PCDH15: variants seen among roughly 807,000 people sequenced by gnomAD.
PCDH15 encodes the protein protocadherin-15.
PCDH15 carries 129 observed loss-of-function variants against 178.5 expected under a neutral mutation model. The observed-to-expected ratio is 0.72, with a 90% CI of 0.63 to 0.84. The LOEUF is 0.84. Among genes scored for constraint, PCDH15 ranks in the 40% least tolerant of loss-of-function variants. The pLI, the probability that PCDH15 is intolerant of heterozygous loss-of-function variation, is 0.00. For missense variants in PCDH15, 2,230 were observed against 2,099.9 expected (o/e 1.06, Z -1.21); for synonymous variants, 800 against 732.0 (o/e 1.09, Z -1.50).
chr10:55,186,339 T>C (rs939050553), intron 1 of PCDH15, among the ~76,000 whole-genome samples: 2 of 151,462 alleles, frequency 1.3e-5, no homozygotes, highest in Admixed American at 1.3e-4. Flanking sequence ...TTTTTCTTTG[T>C]ATTTTTTAAA....
At chr10:54,391,364 A>G (rs554321139) in intron 3 of PCDH15, among the ~76,000 whole-genome samples, 2 of 122,922 alleles carry the variant, frequency 1.6e-5, no homozygotes, top group Admixed American at 9.4e-5. Context: ...CTCCAATCCA[A>G]GAATCTCATT....
Position 55,334,315 on chromosome 10 carries a change from T to TC in PCDH15, c.-155-167665_-155-167664insG, listed in dbSNP as rs1388100832. 2.6e-3 allele frequency among the ~76,000 whole-genome samples: 323 copies of TC among 124,040 alleles called. 3 individuals are homozygous for TC. The highest frequency in any genetic ancestry group is 4.4e-3 in the Non-Finnish European group (255 of 58,548). 81.4% of individuals were successfully genotyped at this position (124,040 alleles called of 152,430 possible). The stretch of plus-strand genomic sequence containing the variant: ...GTATATATCTATATATATATATATA[T>TC]TTTTTTTTTGAGACAGAGTTTCGCT... On this transcript the variant is annotated intron_variant, in intron 2 of 5. Transcript: ENST00000613346.
At chr10:55,115,307 G>C (rs564312664) in intron 2 of PCDH15, among the ~76,000 whole-genome samples, 33 of 152,282 alleles carry the variant, frequency 2.2e-4, no homozygotes, top group African/African-American at 7.0e-4. Context: ...AGAAGAAAAG[G>C]CCTTTGACAC....
chr10:53,866,683 C>T lies in PCDH15; in HGVS notation c.3676G>A (p.Asp1226Asn). 6.2e-7 allele frequency: 1 copy of T among 1,613,640 alleles called. No homozygotes were observed. The highest frequency in any genetic ancestry group is 8.5e-7 in the Non-Finnish European group (1 of 1,179,738). ...CCGCTCAGTCCCTTCCCATAGTCGT[C>T]AGTTGCAATAACTTGAAACTTGAAG... ...SYFKFQVIAT[D>N]DYGKGLSGKA... Residue 1226 changes from aspartate (D) to asparagine (N), a missense_variant, in exon 27 of 38, where the codon GAC becomes AAC. Coordinates refer to ENST00000644397, the MANE Select transcript of PCDH15 (RefSeq NM_001384140.1).
chr10:55,068,275 G>A (rs1441042983), intron 2 of PCDH15, among the ~76,000 whole-genome samples: 1 of 151,860 alleles, frequency 6.6e-6, no homozygotes, highest in Non-Finnish European at 1.5e-5. Context: ...GTTTATTTTT[G>A]TATATGATGG....
intron 3 of PCDH15, among the ~76,000 whole-genome samples, chr10:54,525,156 A>T (rs966752190): frequency 1.5e-4 from 23 of 152,258 alleles, no homozygotes; most frequent in Admixed American, 1.3e-4. Context: ...GCTATAATTT[A>T]AAAAATGAGC....
intron 2 of PCDH15, among the ~76,000 whole-genome samples, chr10:55,401,787 A>G (rs553714276): frequency 6.6e-6 from 1 of 151,998 alleles, no homozygotes; most frequent in Admixed American, 6.6e-5. Context: ...TAGACAAAAC[A>G]TATTGATATT....
chr10:55,392,977 G>T (rs1837833400), intron 2 of PCDH15, among the ~76,000 whole-genome samples: 1 of 123,468 alleles, frequency 8.1e-6, no homozygotes, highest in Admixed American at 8.2e-5. Context: ...GAACTAAAGT[G>T]TATGTGTGTG....
intron 21 of PCDH15, among the ~76,000 whole-genome samples, chr10:53,965,406 C>G (rs1464820446): frequency 6.6e-6 from 1 of 152,142 alleles, no homozygotes; most frequent in African/African-American, 2.4e-5. Context: ...TAAGAATTAT[C>G]TTCTGAAATT....
At chr10:54,749,166 C>T (rs370863561) in intron 1 of PCDH15, among the ~76,000 whole-genome samples, 15 of 152,182 alleles carry the variant, frequency 9.9e-5, no homozygotes, top group East Asian at 9.7e-4. Flanking sequence ...CAAAGTGTTT[C>T]CACCATCACC....
chr10:55,425,232 T>C (rs1364596979), intron 2 of PCDH15, among the ~76,000 whole-genome samples: 1 of 151,942 alleles, frequency 6.6e-6, no homozygotes, highest in African/African-American at 2.4e-5. Flanking sequence ...ATTATCATTT[T>C]ATACATATTT....
intron 2 of PCDH15, among the ~76,000 whole-genome samples, chr10:54,574,435 A>G (rs1190911659): frequency 7.2e-5 from 11 of 152,002 alleles, no homozygotes; most frequent in Non-Finnish European, 1.6e-4. Flanking sequence ...GTAGCCTTGT[A>G]TTATAGTTTG....
chr10:54,753,276 C>T (rs1946589230), intron 1 of PCDH15, among the ~76,000 whole-genome samples: 1 of 151,996 alleles, frequency 6.6e-6, no homozygotes, highest in South Asian at 2.1e-4. Flanking sequence ...CTCTGCCTCC[C>T]AGGTTCAAGT....
At chr10:55,092,327 A>G (rs1842338260) in intron 2 of PCDH15, among the ~76,000 whole-genome samples, 2 of 151,854 alleles carry the variant, frequency 1.3e-5, no homozygotes, top group African/African-American at 4.8e-5. Context: ...CTCAGGTTCT[A>G]TATGAACTCT....
chr10:55,307,450 C>G (rs1302422761), intron 1 of PCDH15, among the ~76,000 whole-genome samples: 1 of 151,658 alleles, frequency 6.6e-6, no homozygotes, highest in African/African-American at 2.4e-5. Flanking sequence ...TTGCAGTGAG[C>G]CAAGATCGCA....
At chr10:54,724,210 A>T (rs1373316589) in intron 1 of PCDH15, among the ~76,000 whole-genome samples, 1 of 151,668 alleles carries the variant, frequency 6.6e-6, no homozygotes, top group African/African-American at 2.4e-5. Context: ...GCAGCCATTA[A>T]AAAGAATAAA....
chr10:55,090,397 G>C, intron 2 of PCDH15, among the ~76,000 whole-genome samples: 1 of 151,856 alleles, frequency 6.6e-6, no homozygotes, highest in East Asian at 1.9e-4. Context: ...CTTATACTCA[G>C]GCTTGCTCAA....
intron 1 of PCDH15, among the ~76,000 whole-genome samples, chr10:55,235,731 AC>A (rs1841361824): frequency 6.6e-6 from 1 of 151,852 alleles, no homozygotes; most frequent in Admixed American, 6.6e-5. Flanking sequence ...ATATGGTGAA[AC>A]CCTGTCTCTA....
chr10:53,990,659 G>A (rs1379415562), intron 21 of PCDH15, among the ~76,000 whole-genome samples: 1 of 151,888 alleles, frequency 6.6e-6, no homozygotes, highest in Non-Finnish European at 1.5e-5. Context: ...ACATGCTGGT[G>A]GCCCTCACTT....
Sources: allele counts gnomAD v4.1 joint callset (sites outside exome capture counted in the v4.1 genomes callset), GRCh38; gene constraint gnomAD v4.1.1; transcripts MANE v1.5; gene names NCBI Gene and HGNC (gene_info 2026-07-23, HGNC 2026-07-21).